The following AKAP10 variants were observed in gnomAD, a reference collection of about 807,000 sequenced individuals.
The protein encoded by AKAP10 is A-kinase anchor protein 10, mitochondrial.
Under a neutral mutation model 80.8 loss-of-function variants are expected in AKAP10, and 24 were observed. That is an observed-to-expected ratio of 0.30 (90% CI 0.22 to 0.42). AKAP10 has a LOEUF of 0.42. Ranked by LOEUF, AKAP10 falls within the 10% of genes least tolerant of loss-of-function variation. AKAP10 has a pLI of 1.00. For missense variants in AKAP10, 661 were observed against 794.9 expected (o/e 0.83, Z 2.03); for synonymous variants, 291 against 277.7 (o/e 1.05, Z -0.48).
rs977134857 is a variant in AKAP10, at chr17:19,977,823, G to A, written c.-144C>T. 2.7e-5 allele frequency: 12 copies of A among 444,738 alleles called. No homozygotes were observed. Among genetic ancestry groups the A allele is most frequent in the Middle Eastern group, 1.1e-3 (2 of 1,840 alleles). 27.5% of individuals were successfully genotyped at this position (444,738 alleles called of 1,614,324 possible). A position where few individuals can be genotyped will look rare whatever the true frequency, so the allele number is the denominator to read the frequency against. On this transcript the variant is annotated 5_prime_UTR_variant, in exon 1 of 15. Transcript: ENST00000225737. Reference sequence around the variant, plus strand: ...CATATTATCAACAAGCCGCCCGCCCGGAGTTCCGGTCCTTCCCCGCGCTAG... The same window carrying A: ...CATATTATCAACAAGCCGCCCGCCCAGAGTTCCGGTCCTTCCCCGCGCTAG...
At chr17:19,914,857 G>T (rs953927896) in intron 12 of AKAP10, among the ~76,000 whole-genome samples, 1 of 152,016 alleles carries the variant, frequency 6.6e-6, no homozygotes, top group Admixed American at 6.6e-5. Flanking sequence ...TTCAGCAAAA[G>T]AATAAAAGAT....
At chr17:19,955,093 G>A (rs563789261) in intron 4 of AKAP10, among the ~76,000 whole-genome samples, 21 of 151,994 alleles carry the variant, frequency 1.4e-4, no homozygotes, top group Middle Eastern at 6.8e-3. Context: ...GTGGTGGTGC[G>A]TGCCTATAAT....
intron 4 of AKAP10, among the ~76,000 whole-genome samples, chr17:19,953,751 G>A (rs938353166): frequency 6.6e-6 from 1 of 151,638 alleles, no homozygotes; most frequent in African/African-American, 2.4e-5. Context: ...CTAGGCCCCT[G>A]CCAGGCACGG....
At chr17:19,972,885 C>A (rs555694151) in intron 1 of AKAP10, among the ~76,000 whole-genome samples, 1 of 152,260 alleles carries the variant, frequency 6.6e-6, no homozygotes, top group East Asian at 1.9e-4. Flanking sequence ...TACATGACTT[C>A]AAGTTTTGTT....
chr17:19,974,369 T>G (rs2043538373), intron 1 of AKAP10, among the ~76,000 whole-genome samples: 1 of 152,178 alleles, frequency 6.6e-6, no homozygotes. Flanking sequence ...CACAAATTCG[T>G]AAACTTTCTT....
chr17:19,940,266 T>C (rs1427717286), intron 7 of AKAP10, among the ~76,000 whole-genome samples: 1 of 151,932 alleles, frequency 6.6e-6, no homozygotes, highest in Non-Finnish European at 1.5e-5. Context: ...AGAAAGGGAG[T>C]GAGAAAACAA....
chr17:19,920,688 C>G (rs2042800437), intron 11 of AKAP10, among the ~76,000 whole-genome samples: 2 of 151,482 alleles, frequency 1.3e-5, no homozygotes, highest in South Asian at 2.1e-4. Context: ...ACTAAAAATA[C>G]AAAAATTAGC....
chr17:19,946,260 TATATATA>T lies in AKAP10; in HGVS notation c.976+1140_976+1146del, dbSNP rs1567765857. On this transcript the variant is annotated intron_variant, in intron 5 of 14. Transcript: ENST00000225737. The stretch of plus-strand genomic sequence containing the variant: ...TATTATATATATATATATATATATA[TATATATA>T]TATATATATTTTTTTTTTTTTTTTT... Among the ~76,000 whole-genome samples, 10 of 27,830 alleles carry T rather than the reference TATATATA, an allele frequency of 3.6e-4. 1 individual carries two copies. Among genetic ancestry groups the T allele is most frequent in the Non-Finnish European group, 5.7e-4 (9 of 15,762 alleles). The allele number at this position is 27,830 out of a possible 152,430, so 18.3% of individuals were successfully genotyped here.
At chr17:19,920,709 G>A (rs1597492572) in intron 11 of AKAP10, among the ~76,000 whole-genome samples, 3 of 151,956 alleles carry the variant, frequency 2.0e-5, no homozygotes, top group Admixed American at 2.0e-4. Flanking sequence ...TGGGTGTGGT[G>A]GTGGATGCCT....
intron 5 of AKAP10, among the ~76,000 whole-genome samples, chr17:19,946,237 TTATATATATATA>T (rs1171891537): frequency 2.0e-3 from 31 of 15,160 alleles, no homozygotes; most frequent in African/African-American, 8.9e-3. Flanking sequence ...TATATATATA[TTATATATATATA>T]TATATATATA....
chr17:19,910,325 C>CAAAAAAAAAAAAAAAAAAAAAAAAAAAA (rs3031068), intron 12 of AKAP10, among the ~76,000 whole-genome samples: 1 of 90,666 alleles, frequency 1.1e-5, no homozygotes. Flanking sequence ...GACTCCAACT[C>CAAAAAAAAAAAAAAAAAAAAAAAAAAAA]AAAAAAAAAA....
chr17:19,963,470 C>T lies in AKAP10; in HGVS notation c.137-448G>A, dbSNP rs189336697. On this transcript the variant is annotated intron_variant, in intron 2 of 14. Transcript: ENST00000225737. ...GGAGATCATTCTCTGAGAACTTCTA[C>T]TGTGGATAAAAAGTAACAAAGCCAG... Among the ~76,000 whole-genome samples, 5 of 152,208 alleles carry T rather than the reference C, an allele frequency of 3.3e-5. No homozygotes were observed. In the East Asian group the frequency reaches 7.7e-4, roughly 23 times the overall value.
intron 5 of AKAP10, among the ~76,000 whole-genome samples, chr17:19,946,248 T>TAA (rs1158994804): frequency 5.5e-5 from 1 of 18,170 alleles, no homozygotes; most frequent in Non-Finnish European, 9.6e-5. Context: ...TATATATATA[T>TAA]ATATATATAT....
chr17:19,956,787 T>C (rs2043281481), intron 4 of AKAP10, among the ~76,000 whole-genome samples: 2 of 150,970 alleles, frequency 1.3e-5, no homozygotes, highest in Admixed American at 6.6e-5. Flanking sequence ...GGTGGGTCAC[T>C]TGAGGTCAGG....
Position 19,931,727 on chromosome 17 carries a change from A to C in AKAP10, c.1641+78T>G, listed in dbSNP as rs974610492. 3 of 1,457,510 alleles carry C rather than the reference A, an allele frequency of 2.1e-6. No homozygotes were observed. The African/African-American group carries it at 4.3e-5, about 21-fold the overall frequency. 90.3% of individuals were successfully genotyped at this position (1,457,510 alleles called of 1,614,324 possible). The stretch of plus-strand genomic sequence containing the variant: ...TTTCCACAACTTAAAATTTACAAAT[A>C]ATAGGATCTGTTACTGGGATGTGAA... On this transcript the variant is annotated intron_variant, in intron 10 of 14. Transcript: ENST00000225737.
At chr17:19,971,266 TG>T (rs2043493983) in intron 1 of AKAP10, among the ~76,000 whole-genome samples, 1 of 152,000 alleles carries the variant, frequency 6.6e-6, no homozygotes, top group African/African-American at 2.4e-5. Context: ...CCTAGCACTT[TG>T]GGAGGCCAAG....
intron 11 of AKAP10, among the ~76,000 whole-genome samples, chr17:19,921,365 CA>C (rs2042813600): frequency 6.6e-6 from 1 of 151,930 alleles, no homozygotes; most frequent in African/African-American, 2.4e-5. Context: ...AGGGTTTCAC[CA>C]TATTGGCCAG....
Position 19,904,798 on chromosome 17 carries a change from AAC to A in AKAP10, c.*1427_*1428del, listed in dbSNP as rs1274848520. The A allele has an allele frequency of 6.6e-6, 1 of 152,070 alleles. No homozygotes were observed. The highest frequency in any genetic ancestry group is 1.5e-5 in the Non-Finnish European group (1 of 68,012). The allele number at this position is 152,070 out of a possible 1,614,324, so 9.4% of individuals were successfully genotyped here. A position where few individuals can be genotyped will look rare whatever the true frequency, so the allele number is the denominator to read the frequency against. ...TTCATATATATATATTTTAAAATCA[AAC>A]ACAATTAAATATAATATGGTTTAAG... On this transcript the variant is annotated 3_prime_UTR_variant, in exon 15 of 15. Transcript: ENST00000225737.
intron 4 of AKAP10, among the ~76,000 whole-genome samples, chr17:19,950,695 A>G (rs530450023): frequency 1.3e-5 from 2 of 152,302 alleles, no homozygotes; most frequent in Admixed American, 6.5e-5. Context: ...TTGGCCTCCC[A>G]AAGTGCCGAG....
Sources: allele counts gnomAD v4.1 joint callset (sites outside exome capture counted in the v4.1 genomes callset), GRCh38; gene constraint gnomAD v4.1.1; transcripts MANE v1.5; gene names NCBI Gene and HGNC (gene_info 2026-07-23, HGNC 2026-07-21).